SLC5A1: variants seen among roughly 807,000 people sequenced by gnomAD.
SLC5A1 encodes solute carrier family 5 member 1, also known as sodium/glucose cotransporter 1.
In SLC5A1, 42 loss-of-function variants were observed where a neutral mutation model predicts 73.5. The ratio of observed to expected loss-of-function variants is 0.57; its 90% CI spans 0.45 to 0.74. SLC5A1 has a LOEUF of 0.74. SLC5A1 is among the 30% of genes least tolerant of loss of function. The pLI is 0.00. For synonymous variants in SLC5A1, 300 were observed against 317.4 expected (o/e 0.95, Z 0.58); for missense variants, 634 against 855.4 (o/e 0.74, Z 3.23).
At chr22:32,056,366 G>A (rs2093951818) in intron 2 of SLC5A1, among the ~76,000 whole-genome samples, 1 of 150,536 alleles carries the variant, frequency 6.6e-6, no homozygotes, top group East Asian at 2.0e-4. Context: ...AGGGTTGCCA[G>A]ATTTCACAAA....
chr22:32,064,877 A>G (rs2093970139), intron 2 of SLC5A1, among the ~76,000 whole-genome samples: 1 of 152,174 alleles, frequency 6.6e-6, no homozygotes, highest in Non-Finnish European at 1.5e-5. Context: ...GCAATTTAAA[A>G]AAGCAAATTA....
intron 10 of SLC5A1, 25 bp downstream of exon 10, chr22:32,086,352 G>A (rs1233055687): frequency 6.6e-7 from 1 of 1,508,298 alleles, no homozygotes; most frequent in East Asian, 2.3e-5. Flanking sequence ...TGGGAGGTTG[G>A]TAGAGTCTTT....
chr22:32,089,866 C>A (rs754948441), intron 10 of SLC5A1, among the ~76,000 whole-genome samples: 1 of 152,142 alleles, frequency 6.6e-6, no homozygotes, highest in Non-Finnish European at 1.5e-5. Flanking sequence ...CTAGCCTCAG[C>A]AGGTGTCCCC....
At chr22:32,049,104 ATATATATAATCAT>A (rs1460289093) in intron 1 of SLC5A1, among the ~76,000 whole-genome samples, 75 of 145,780 alleles carry the variant, frequency 5.1e-4, no homozygotes, top group South Asian at 6.4e-4. Flanking sequence ...ATATATATAT[ATATATATAATCAT>A]TATATATATA....
intron 5 of SLC5A1, among the ~76,000 whole-genome samples, chr22:32,080,428 A>G (rs762164218): frequency 6.6e-6 from 1 of 152,166 alleles, no homozygotes; most frequent in African/African-American, 2.4e-5. Context: ...GGAGATTCTC[A>G]TAGGAGGGAC....
chr22:32,059,428 T>A, intron 2 of SLC5A1: 36 of 746,726 alleles, frequency 4.8e-5, no homozygotes, highest in South Asian at 1.8e-4. Flanking sequence ...ATGAGGGAAG[T>A]GTTTTTATAG....
chr22:32,101,993 A>C (rs1733175926), intron 12 of SLC5A1, 29 bp from the exon 13 acceptor site: 1 of 1,546,534 alleles, frequency 6.5e-7, no homozygotes, highest in Non-Finnish European at 8.9e-7. Flanking sequence ...TGTGTTCAGC[A>C]TGAGTTAACC....
At chr22:32,083,199 A>C (rs1338218093) in intron 7 of SLC5A1, 45 bp downstream of exon 7, 1 of 1,531,430 alleles carries the variant, frequency 6.5e-7, no homozygotes, top group East Asian at 2.2e-5. Context: ...GCAGAGGTAG[A>C]GGGCCTCAGG....
intron 2 of SLC5A1, among the ~76,000 whole-genome samples, chr22:32,054,423 G>A (rs1175717215): frequency 6.6e-6 from 1 of 152,166 alleles, no homozygotes; most frequent in Non-Finnish European, 1.5e-5. Context: ...GTGTATTTGA[G>A]TCAAGGGTGA....
chr22:32,053,340 TCTC>T (rs1196531322), intron 2 of SLC5A1, among the ~76,000 whole-genome samples: 1 of 152,062 alleles, frequency 6.6e-6, no homozygotes, highest in African/African-American at 2.4e-5. Context: ...TCCTTTTTAT[TCTC>T]CTCCTTCTCC....
intron 5 of SLC5A1, among the ~76,000 whole-genome samples, chr22:32,076,004 C>G (rs536026155): frequency 1.3e-5 from 2 of 152,166 alleles, no homozygotes; most frequent in South Asian, 4.1e-4. Flanking sequence ...CAAGATTCAC[C>G]AATTGTGTGT....
chr22:32,086,409 C>G, intron 10 of SLC5A1, 82 bp downstream of exon 10: 1 of 943,070 alleles, frequency 1.1e-6, no homozygotes, highest in Non-Finnish European at 1.7e-6. Flanking sequence ...TCCTGTGAAC[C>G]TTCTGGGCAA....
At chr22:32,056,682 C>T (rs993285601) in intron 2 of SLC5A1, among the ~76,000 whole-genome samples, 1 of 152,096 alleles carries the variant, frequency 6.6e-6, no homozygotes, top group African/African-American at 2.4e-5. Context: ...TCCCGATATC[C>T]CTTAAAGAGA....
intron 2 of SLC5A1, among the ~76,000 whole-genome samples, chr22:32,066,504 T>C (rs572929565): frequency 1.3e-5 from 2 of 152,286 alleles, no homozygotes; most frequent in South Asian, 4.1e-4. Flanking sequence ...ATTGTCAGTG[T>C]TTACTGAGAG....
At chr22:32,099,101 AAAAAATATATAT>A (rs1282841168) in intron 11 of SLC5A1, 70 bp from the exon 12 acceptor site, 389 of 131,030 alleles carry the variant, frequency 3.0e-3, no homozygotes, top group Admixed American at 4.0e-3. Flanking sequence ...AAAAAAAAAA[AAAAAATATATAT>A]ATATATATAT....
In SLC5A1 at chr22:32,112,782, G is replaced by A. The variant is rs796280302; in HGVS notation, c.*2569G>A. The A allele has an allele frequency of 9.9e-5, 15 of 152,110 alleles. No homozygotes were observed. The highest frequency in any genetic ancestry group is 3.6e-4 in the African/African-American group (15 of 41,490). The allele number at this position is 152,110 out of a possible 1,614,324, so 9.4% of individuals were successfully genotyped here. A position where few individuals can be genotyped will look rare whatever the true frequency, so the allele number is the denominator to read the frequency against. On this transcript the variant is annotated 3_prime_UTR_variant, in exon 15 of 15. Coordinates refer to ENST00000266088, the MANE Select transcript of SLC5A1 (RefSeq NM_000343.4). ...GTCAAATGATACAAAGGTTTAGTTAGGTGGAATAAGTTCAGAAAATCAATT... is the reference window on the plus strand; with the variant it reads ...GTCAAATGATACAAAGGTTTAGTTAAGTGGAATAAGTTCAGAAAATCAATT...
intron 2 of SLC5A1, among the ~76,000 whole-genome samples, chr22:32,056,218 G>T (rs574845324): frequency 6.6e-6 from 1 of 151,968 alleles, no homozygotes; most frequent in African/African-American, 2.4e-5. Flanking sequence ...GTGAGGTCTC[G>T]CTATGTTGCG....
intron 1 of SLC5A1, 51 bp from the exon 2 acceptor site, chr22:32,049,892 C>T: frequency 6.7e-7 from 1 of 1,495,960 alleles, no homozygotes; most frequent in Non-Finnish European, 9.3e-7. Flanking sequence ...TTTTGGCTGG[C>T]AAGGCCACTC....
intron 14 of SLC5A1, 28 bp downstream of exon 14, chr22:32,104,919 A>T: frequency 2.6e-6 from 4 of 1,514,116 alleles, no homozygotes; most frequent in Non-Finnish European, 3.7e-6. Flanking sequence ...GCAGATCCTA[A>T]ACCATAAAAG....
Sources: allele counts gnomAD v4.1 joint callset (sites outside exome capture counted in the v4.1 genomes callset), GRCh38; gene constraint gnomAD v4.1.1; transcripts MANE v1.5; gene names NCBI Gene and HGNC (gene_info 2026-07-23, HGNC 2026-07-21).